The following PTPRQ variants were observed in gnomAD, a reference collection of about 807,000 sequenced individuals.
PTPRQ encodes the protein phosphatidylinositol phosphatase PTPRQ.
A neutral mutation model predicts 246.0 loss-of-function variants in PTPRQ; 199 were observed. The ratio of observed to expected loss-of-function variants is 0.81; its 90% confidence interval spans 0.72 to 0.91. PTPRQ has a LOEUF of 0.91. Ranked by LOEUF, PTPRQ falls within the 40% of genes least tolerant of loss-of-function variation. PTPRQ has a pLI of 0.00. For synonymous variants in PTPRQ, 869 were observed against 853.2 expected (o/e 1.02, Z -0.32); for missense variants, 2,624 against 2,528.4 (o/e 1.04, Z -0.81).
chr12:80,625,228 T>A (rs1400185144), intron 33 of PTPRQ, among the ~76,000 whole-genome samples: 1 of 152,186 alleles, frequency 6.6e-6, no homozygotes, highest in South Asian at 2.1e-4. Context: ...GAGTCCTTTT[T>A]TTCTCTCAAA....
chr12:80,496,385 T>A lies in PTPRQ; in HGVS notation c.2126T>A (p.Leu709Ter). 5 of 1,550,560 alleles carry A rather than the reference T, an allele frequency of 3.2e-6. No homozygotes were observed. Among genetic ancestry groups the A allele is most frequent in the Non-Finnish European group, 4.4e-6 (5 of 1,146,280 alleles). ...GTGCTATATAAAAATATAGATACTT[T>A]ATATATGAAGAACACATCAACAACA... The part of the protein sequence containing the change: ...YEVLYKNIDT[L>*]YMKNTSTTDI... The change falls in exon 14 of 45, where the codon TTA (leucine) becomes TAA (stop). Residue 709 changes from leucine to a stop codon, truncating the protein, a stop_gained. Transcript: ENST00000644991. LOFTEE classifies it high-confidence loss of function.
chr12:80,448,517 C>A (rs1336495616), intron 3 of PTPRQ, among the ~76,000 whole-genome samples: 6 of 151,478 alleles, frequency 4.0e-5, no homozygotes, highest in African/African-American at 1.5e-4. Flanking sequence ...AATGCTATCC[C>A]TCCCCACTCC....
intron 27 of PTPRQ, among the ~76,000 whole-genome samples, chr12:80,606,104 T>A (rs1565814516): frequency 6.6e-6 from 1 of 150,878 alleles, no homozygotes; most frequent in Non-Finnish European, 1.5e-5. Flanking sequence ...TGACAGAAGA[T>A]TATGAGGAGG....
chr12:80,522,231 G>A (rs1895520078), intron 17 of PTPRQ, among the ~76,000 whole-genome samples: 1 of 152,190 alleles, frequency 6.6e-6, no homozygotes, highest in Admixed American at 6.5e-5. Flanking sequence ...AGACTTTGCT[G>A]AAGTTGCCTA....
intron 9 of PTPRQ, among the ~76,000 whole-genome samples, chr12:80,484,838 A>T (rs187379441): frequency 1.4e-3 from 210 of 152,270 alleles, no homozygotes; most frequent in African/African-American, 4.9e-3. Context: ...TTAATTGTGC[A>T]ATTAAACAGG....
At chr12:80,505,945 T>C (rs1437165921) in intron 14 of PTPRQ, 79 bp from the exon 15 acceptor site, 1 of 1,446,676 alleles carries the variant, frequency 6.9e-7, no homozygotes, top group African/African-American at 1.4e-5. Context: ...AATAACCTAG[T>C]GCACTTCAGT....
intron 25 of PTPRQ, among the ~76,000 whole-genome samples, chr12:80,582,925 A>C (rs1897491822): frequency 6.6e-6 from 1 of 152,218 alleles, no homozygotes; most frequent in East Asian, 1.9e-4. Context: ...CTTCAGATAA[A>C]GCTAAAAGTC....
chr12:80,519,576 G>T (rs570317444), intron 17 of PTPRQ, among the ~76,000 whole-genome samples: 5 of 152,230 alleles, frequency 3.3e-5, no homozygotes, highest in South Asian at 2.1e-4. Context: ...TGCGGAAAGG[G>T]TTAGCTAAAC....
intron 8 of PTPRQ, among the ~76,000 whole-genome samples, chr12:80,482,566 A>T (rs1467547347): frequency 1.3e-5 from 2 of 150,562 alleles, no homozygotes; most frequent in African/African-American, 5.0e-5. Context: ...AGCAAAAGAA[A>T]CTACCATCAG....
chr12:80,458,101 G>A (rs12306214), intron 4 of PTPRQ, among the ~76,000 whole-genome samples: 12,165 of 151,960 alleles, frequency 0.08, 940 homozygotes, highest in African/African-American at 0.2. Context: ...GATTTTAATG[G>A]TTATTATATT....
At chr12:80,502,337 A>C (rs1011234546) in intron 14 of PTPRQ, among the ~76,000 whole-genome samples, 4 of 151,934 alleles carry the variant, frequency 2.6e-5, no homozygotes, top group Non-Finnish European at 5.9e-5. Context: ...GTGAAGAGAG[A>C]ACATGGTGAA....
chr12:80,594,981 T>G lies in PTPRQ; in HGVS notation c.4609+6529T>G, dbSNP rs550527842. On this transcript the variant is annotated intron_variant, in intron 26 of 44. Transcript: ENST00000644991. ...TGCCTGCATGTTAAAACTATGCCCATTAGTAAGTTCTACAAGGTCACTTAT... is the reference window on the plus strand; with the variant it reads ...TGCCTGCATGTTAAAACTATGCCCAGTAGTAAGTTCTACAAGGTCACTTAT... Among the ~76,000 whole-genome samples, 42 of 152,290 alleles carry G rather than the reference T, an allele frequency of 2.8e-4. 1 individual carries two copies. The South Asian group carries it at 8.7e-3, about 32-fold the overall frequency.
intron 27 of PTPRQ, among the ~76,000 whole-genome samples, chr12:80,605,541 G>T (rs1415145037): frequency 6.6e-6 from 1 of 150,976 alleles, no homozygotes; most frequent in Non-Finnish European, 1.5e-5. Flanking sequence ...ACAAATATCT[G>T]GTTTACAGTA....
At chr12:80,539,713 G>A in intron 19 of PTPRQ, 63 bp from the exon 20 acceptor site, 3 of 1,334,278 alleles carry the variant, frequency 2.2e-6, no homozygotes, top group Middle Eastern at 2.6e-4. Context: ...ATAACAATTA[G>A]TTTGAAGTGT....
chr12:80,486,860 T>C (rs1249814747), intron 9 of PTPRQ, among the ~76,000 whole-genome samples: 1 of 152,170 alleles, frequency 6.6e-6, no homozygotes, highest in East Asian at 1.9e-4. Flanking sequence ...TCCTTCAAAA[T>C]CCATCCCTCT....
Position 80,495,372 on chromosome 12 carries a change from G to A in PTPRQ, c.1882+1G>A, listed in dbSNP as rs1055668546. 3 of 1,473,408 alleles carry A rather than the reference G, an allele frequency of 2.0e-6. No homozygotes were observed. The highest frequency in any genetic ancestry group is 1.8e-6 in the Non-Finnish European group (2 of 1,118,904). The allele number at this position is 1,473,408 out of a possible 1,614,324, so 91.3% of individuals were successfully genotyped here. ...ATAGATAACAGCTTTCTCATAACAG[G>A]TAGAAAACAATGTTTTGTTGTTGTT... On this transcript the variant is annotated splice_donor_variant, in intron 12 of 44. Coordinates refer to ENST00000644991, the MANE Select transcript of PTPRQ (RefSeq NM_001145026.2). LOFTEE classifies it high-confidence loss of function.
chr12:80,472,069 A>C (rs774830176), intron 7 of PTPRQ, 36 bp from the exon 8 acceptor site: 16 of 1,549,824 alleles, frequency 1.0e-5, no homozygotes, highest in Non-Finnish European at 1.2e-5. Flanking sequence ...CACGCTTGAT[A>C]AAAAATAATC....
chr12:80,514,262 T>G (rs2120729407), intron 17 of PTPRQ, among the ~76,000 whole-genome samples: 1 of 151,934 alleles, frequency 6.6e-6, no homozygotes, highest in South Asian at 2.1e-4. Flanking sequence ...TTAATTTAAT[T>G]ATAACTACCT....
At chr12:80,459,603 G>A (rs1893086658) in intron 5 of PTPRQ, 120 bp downstream of exon 5, 1 of 395,578 alleles carries the variant, frequency 2.5e-6, no homozygotes, top group African/African-American at 2.1e-5. Context: ...GATTACTTAT[G>A]GTATCATGTT....
Sources: gnomAD v4.1 joint callset for allele counts (sites outside exome capture counted in the v4.1 genomes callset) on GRCh38, gnomAD v4.1.1 for gene constraint, MANE v1.5 for transcripts, NCBI Gene and HGNC (gene_info 2026-07-23, HGNC 2026-07-21) for gene names.